Variants in FLVCR2 observed in about 807,000 individuals in gnomAD.
FLVCR2 encodes FLVCR choline and putative heme transporter 2, also known as choline/ethanolamine transporter FLVCR2.
FLVCR2 carries 38 observed loss-of-function variants against 48.9 expected under a neutral mutation model. The observed-to-expected ratio is 0.78, with a 90% CI of 0.60 to 1.02. FLVCR2 has a LOEUF of 1.02. FLVCR2 is among the 50% of genes least tolerant of loss of function. FLVCR2 has a pLI of 0.00. For synonymous variants in FLVCR2, 255 were observed against 257.0 expected, an observed-to-expected ratio of 0.99 and a Z score of 0.07; for missense variants, 664 against 663.3, an observed-to-expected ratio of 1.00 and a Z score of -0.01.
chr14:75,603,301 C>A (rs1889209518), intron 1 of FLVCR2, among the ~76,000 whole-genome samples: 1 of 152,184 alleles, frequency 6.6e-6, no homozygotes, highest in East Asian at 1.9e-4. Context: ...GCCTTAAAAC[C>A]CCCAGGCTCT....
chr14:75,599,118 G>A (rs1258589980), intron 1 of FLVCR2, among the ~76,000 whole-genome samples: 3 of 152,148 alleles, frequency 2.0e-5, no homozygotes, highest in Non-Finnish European at 4.4e-5. Flanking sequence ...GGAAGTCAAA[G>A]ATCTACAGCA....
At chr14:75,596,786 C>A (rs956543232) in intron 1 of FLVCR2, among the ~76,000 whole-genome samples, 7 of 116,826 alleles carry the variant, frequency 6.0e-5, no homozygotes, top group Admixed American at 2.6e-4. Flanking sequence ...TTTTGCCCCC[C>A]CCCCCCGCCC....
rs752434981 is a variant in FLVCR2 at position 75,579,003 on chromosome 14, A to G, written c.31A>G (p.Ser11Gly). Residue 11 changes from serine to glycine, a missense_variant, in exon 1 of 10, where the codon AGC becomes GGC. Physicochemically the swap from Ser to Gly is moderately conservative, Grantham distance 56. Transcript: ENST00000238667. ...GAATGAAGGTCCCAACCAGGAAGAG[A>G]GCGATGACACCCCTGTGCCGGAGTC... MVNEGPNQEESDDTPVPESAL... is the reference protein window; with the variant it reads MVNEGPNQEEGDDTPVPESAL... 1.2e-6 allele frequency: 2 copies of G among 1,613,984 alleles called. No homozygotes were observed. The highest frequency in any genetic ancestry group is 4.5e-5 in the East Asian group (2 of 44,868).
chr14:75,585,210 G>A (rs1034774834), intron 1 of FLVCR2, among the ~76,000 whole-genome samples: 13 of 152,168 alleles, frequency 8.5e-5, no homozygotes, highest in African/African-American at 3.1e-4. Flanking sequence ...GATGTGGGAT[G>A]AGTCGCATGG....
chr14:75,632,232 A>T (rs1484355489), intron 3 of FLVCR2, among the ~76,000 whole-genome samples: 1 of 152,196 alleles, frequency 6.6e-6, no homozygotes, highest in African/African-American at 2.4e-5. Context: ...AAAGCAAATT[A>T]TTTCCCATTT....
In FLVCR2 at chr14:75,578,622, AGGACTCTGCGGGCG is replaced by A; in HGVS notation, c.-350_-337del. 2.7e-6 allele frequency: 1 copy of A among 369,276 alleles called. No homozygotes were observed. Among genetic ancestry groups the A allele is most frequent in the Non-Finnish European group, 5.1e-6 (1 of 194,916 alleles). 22.9% of individuals were successfully genotyped at this position (369,276 alleles called of 1,614,324 possible). A position where few individuals can be genotyped will look rare whatever the true frequency, so the allele number is the denominator to read the frequency against. ...GCGAGGCCCCAAGCTGGCCCGGGAG[AGGACTCTGCGGGCG>A]AAGTGGCTGCGCAAGGAGAGAACTT... On this transcript the variant is annotated 5_prime_UTR_variant, in exon 1 of 10. Coordinates refer to ENST00000238667, the MANE Select transcript of FLVCR2 (RefSeq NM_017791.3).
At chr14:75,585,670 G>A (rs766747161) in intron 1 of FLVCR2, among the ~76,000 whole-genome samples, 29 of 152,054 alleles carry the variant, frequency 1.9e-4, no homozygotes, top group Non-Finnish European at 3.7e-4. Context: ...GCGTCCCCGC[G>A]GTGGTCAGAC....
At chr14:75,606,367 G>C (rs527940385) in intron 1 of FLVCR2, among the ~76,000 whole-genome samples, 2 of 152,276 alleles carry the variant, frequency 1.3e-5, no homozygotes, top group African/African-American at 4.8e-5. Context: ...AAGGCTGTTT[G>C]TTTGGGCTAG....
intron 3 of FLVCR2, among the ~76,000 whole-genome samples, chr14:75,631,386 A>G (rs958262828): frequency 4.6e-5 from 7 of 152,208 alleles, no homozygotes; most frequent in African/African-American, 1.4e-4. Flanking sequence ...GGGGTGGAAC[A>G]GAGACCACAC....
intron 9 of FLVCR2, among the ~76,000 whole-genome samples, chr14:75,643,970 G>A (rs1024012363): frequency 7.2e-5 from 11 of 151,836 alleles, no homozygotes; most frequent in Admixed American, 3.3e-4. Context: ...CTCGGGAGGT[G>A]GAGGTTGCGG....
chr14:75,585,719 C>T (rs535502319), intron 1 of FLVCR2, among the ~76,000 whole-genome samples: 73 of 152,292 alleles, frequency 4.8e-4, no homozygotes, highest in African/African-American at 1.6e-3. Flanking sequence ...CAGGCGTCCC[C>T]GCAATGATTA....
chr14:75,646,013 T>A (rs567817806), intron 9 of FLVCR2, among the ~76,000 whole-genome samples: 6 of 151,980 alleles, frequency 3.9e-5, no homozygotes, highest in African/African-American at 1.4e-4. Context: ...CCTGGCACCT[T>A]GGACAGTGAT....
At position 75,631,421 on chromosome 14, in the gene FLVCR2, T is replaced by C. The variant is rs558324574; in HGVS notation, c.953-2208T>C. ...CTTTGGAAACTATTTCACTAAACCA[T>C]TGAGCCCCAGAAAAACCACTCAGCT... is the stretch of plus-strand genomic sequence containing the variant. On this transcript the variant is annotated intron_variant, in intron 3 of 9. Coordinates refer to ENST00000238667, the MANE Select transcript of FLVCR2 (RefSeq NM_017791.3). 3.3e-5 allele frequency among the ~76,000 whole-genome samples: 5 copies of C among 152,252 alleles called. No individual in the cohort carries two copies. In the South Asian group the frequency reaches 6.2e-4, roughly 19 times the overall value.
chr14:75,619,152 A>T (rs1464181736), intron 1 of FLVCR2, among the ~76,000 whole-genome samples: 1 of 152,102 alleles, frequency 6.6e-6, no homozygotes, highest in Non-Finnish European at 1.5e-5. Flanking sequence ...TGAACCTGGG[A>T]GGCGGCAGAG....
chr14:75,633,266 G>A (rs974327836), intron 3 of FLVCR2, among the ~76,000 whole-genome samples: 12 of 152,092 alleles, frequency 7.9e-5, no homozygotes, highest in African/African-American at 2.9e-4. Context: ...GAAGAGGAGG[G>A]TGTCCAGGAC....
chr14:75,629,634 T>G (rs1409947260), intron 3 of FLVCR2, among the ~76,000 whole-genome samples: 1 of 152,238 alleles, frequency 6.6e-6, no homozygotes, highest in Non-Finnish European at 1.5e-5. Flanking sequence ...GGCTACCTTC[T>G]CTTTGTGTCT....
intron 1 of FLVCR2, among the ~76,000 whole-genome samples, chr14:75,616,502 A>T (rs569027062): frequency 6.6e-6 from 1 of 152,270 alleles, no homozygotes; most frequent in South Asian, 2.1e-4. Context: ...TATATTTTTT[A>T]ATTGATACAT....
At chr14:75,581,405 T>C (rs1041428311) in intron 1 of FLVCR2, among the ~76,000 whole-genome samples, 34 of 152,084 alleles carry the variant, frequency 2.2e-4, no homozygotes, top group African/African-American at 8.0e-4. Context: ...CTGAGCTTGG[T>C]GAGGTGTGTT....
chr14:75,596,789 C>G (rs1594794731), intron 1 of FLVCR2, among the ~76,000 whole-genome samples: 3 of 124,284 alleles, frequency 2.4e-5, no homozygotes, highest in Admixed American at 1.6e-4. Context: ...TGCCCCCCCC[C>G]CCCGCCCCCA....
Sources: allele counts gnomAD v4.1 joint callset (sites outside exome capture counted in the v4.1 genomes callset), GRCh38; gene constraint gnomAD v4.1.1; transcripts MANE v1.5; gene names NCBI Gene and HGNC (gene_info 2026-07-23, HGNC 2026-07-21).